FHIT: variants seen among roughly 807,000 people sequenced by gnomAD.
The protein encoded by FHIT is bis(5'-adenosyl)-triphosphatase.
FHIT carries 19 observed loss-of-function variants against 17.9 expected under a neutral mutation model. The observed-to-expected ratio is 1.06, with a 90% CI of 0.74 to 1.56. The LOEUF (loss-of-function observed/expected upper bound fraction) is 1.56. FHIT is among the 40% of genes most tolerant of loss of function. The pLI is 0.00. For synonymous variants in FHIT, 81 were observed against 69.7 expected, an observed-to-expected ratio of 1.16 and a Z score of -0.81; for missense variants, 248 against 189.2, an observed-to-expected ratio of 1.31 and a Z score of -1.82.
At chr3:60,284,696 G>C (rs190190114) in intron 5 of FHIT, among the ~76,000 whole-genome samples, 2 of 151,898 alleles carry the variant, frequency 1.3e-5, no homozygotes, top group Non-Finnish European at 2.9e-5. Flanking sequence ...CTAAGATAAC[G>C]CATGGACTTT....
At chr3:59,750,522 G>A (rs1454503772) in intron 9 of FHIT, 2 of 224,890 alleles carry the variant, frequency 8.9e-6, no homozygotes, top group Non-Finnish European at 1.8e-5. Context: ...AGAGAGAGAT[G>A]GTGAACAGTG....
chr3:60,340,665 GAAC>G (rs1327182287), intron 5 of FHIT, among the ~76,000 whole-genome samples: 6 of 152,156 alleles, frequency 3.9e-5, no homozygotes, highest in African/African-American at 1.4e-4. Context: ...GTTGACCCTT[GAAC>G]AACACAGGTT....
intron 4 of FHIT, among the ~76,000 whole-genome samples, chr3:60,819,601 C>A (rs1553738675): frequency 6.6e-6 from 1 of 152,176 alleles, no homozygotes; most frequent in Non-Finnish European, 1.5e-5. Context: ...TCCTTCTAAT[C>A]ATAATCATTA....
chr3:60,168,164 G>A (rs535271137), intron 5 of FHIT, among the ~76,000 whole-genome samples: 17 of 152,240 alleles, frequency 1.1e-4, no homozygotes, highest in Admixed American at 7.8e-4. Context: ...GTACACAGAC[G>A]GAGGCCTGGC....
chr3:60,570,170 G>T lies in FHIT; in HGVS notation c.-17-33191C>A, dbSNP rs1414854086. Among the ~76,000 whole-genome samples the T allele has an allele frequency of 2.6e-5, 4 of 152,028 alleles. No individual in the cohort carries two copies. The East Asian group carries it at 7.7e-4, about 29-fold the overall frequency. On this transcript the variant is annotated intron_variant, in intron 4 of 9. Transcript: ENST00000492590. ...TATGTTTGGGAAGCCATGCTGCACT[G>T]GAATCACTGTCAGAGTTTCAGGGAA...
intron 5 of FHIT, among the ~76,000 whole-genome samples, chr3:60,347,244 T>G (rs1001336885): frequency 6.6e-6 from 1 of 152,178 alleles, no homozygotes; most frequent in Non-Finnish European, 1.5e-5. Flanking sequence ...ACTTAATGGA[T>G]GAGTCTCATT....
intron 4 of FHIT, among the ~76,000 whole-genome samples, chr3:60,761,079 A>AG (rs1473752409): frequency 6.6e-6 from 1 of 152,080 alleles, no homozygotes; most frequent in Non-Finnish European, 1.5e-5. Flanking sequence ...AACCAGAAGA[A>AG]GGGGGAGGGG....
chr3:60,765,047 T>C (rs1174082046), intron 4 of FHIT, among the ~76,000 whole-genome samples: 1 of 152,136 alleles, frequency 6.6e-6, no homozygotes, highest in Non-Finnish European at 1.5e-5. Flanking sequence ...TGAATGGATG[T>C]CATAAGGTAA....
chr3:60,403,379 G>T (rs764876673), intron 5 of FHIT, among the ~76,000 whole-genome samples: 1 of 152,096 alleles, frequency 6.6e-6, no homozygotes, highest in Non-Finnish European at 1.5e-5. Flanking sequence ...ACACCAAATA[G>T]GAATGGATGT....
At chr3:60,090,240 C>T (rs147513934) in intron 5 of FHIT, among the ~76,000 whole-genome samples, 2 of 152,182 alleles carry the variant, frequency 1.3e-5, no homozygotes, top group East Asian at 3.9e-4. Context: ...TGCATGGTTT[C>T]CCAGTATGAA....
At position 60,878,758 on chromosome 3, in the gene FHIT, C is replaced by T. The variant is rs1282604800; in HGVS notation, c.-110-56747G>A. Among the ~76,000 whole-genome samples the T allele has an allele frequency of 3.3e-5, 5 of 152,142 alleles. No homozygotes were observed. The East Asian group carries it at 9.7e-4, about 30-fold the overall frequency. ...CGCGGTGTTTGGTTTTTTGTCCTTG[C>T]AATAATTTGCTGAGAATGATGGTTT... On this transcript the variant is annotated intron_variant, in intron 3 of 9. Coordinates refer to ENST00000492590, the MANE Select transcript of FHIT (RefSeq NM_002012.4).
chr3:60,307,527 C>T (rs1373417196), intron 5 of FHIT, among the ~76,000 whole-genome samples: 1 of 152,068 alleles, frequency 6.6e-6, no homozygotes, highest in Non-Finnish European at 1.5e-5. Flanking sequence ...TGTTGTTTGA[C>T]AATGATATTT....
chr3:60,024,785 A>T (rs1289858531), intron 5 of FHIT, among the ~76,000 whole-genome samples: 1 of 152,236 alleles, frequency 6.6e-6, no homozygotes, highest in Non-Finnish European at 1.5e-5. Flanking sequence ...GATCTTCAGG[A>T]AAGAGTGCAG....
chr3:60,407,390 T>C (rs187300793), intron 5 of FHIT, among the ~76,000 whole-genome samples: 1 of 152,230 alleles, frequency 6.6e-6, no homozygotes, highest in African/African-American at 2.4e-5. Context: ...AATTGAATCT[T>C]TTTTAATCCC....
intron 5 of FHIT, among the ~76,000 whole-genome samples, chr3:60,223,942 T>C (rs1422346483): frequency 6.6e-6 from 1 of 152,130 alleles, no homozygotes; most frequent in East Asian, 1.9e-4. Flanking sequence ...CTCTCTCAAT[T>C]CTTGGTCGTG....
chr3:59,934,934 A>G (rs960860438), intron 7 of FHIT, among the ~76,000 whole-genome samples: 4 of 152,148 alleles, frequency 2.6e-5, no homozygotes, highest in African/African-American at 9.7e-5. Context: ...CAGCCAAACC[A>G]TGTCAGTAGA....
chr3:60,152,010 C>T (rs910123862), intron 5 of FHIT, among the ~76,000 whole-genome samples: 1 of 152,118 alleles, frequency 6.6e-6, no homozygotes, highest in Admixed American at 6.5e-5. Context: ...TAGAGCCTGG[C>T]ACCTATAAAT....
At chr3:60,290,797 A>AT (rs1707948515) in intron 5 of FHIT, among the ~76,000 whole-genome samples, 1 of 152,072 alleles carries the variant, frequency 6.6e-6, no homozygotes, top group African/African-American at 2.4e-5. Context: ...CATAACTGAA[A>AT]TTAACAGAGA....
At chr3:60,537,056 T>G in intron 4 of FHIT, 77 bp from the exon 5 acceptor site, 2 of 1,183,056 alleles carry the variant, frequency 1.7e-6, no homozygotes, top group Non-Finnish European at 2.3e-6. Flanking sequence ...AGAAAGCAAA[T>G]TCCATTACTA....
Sources: allele counts gnomAD v4.1 joint callset (sites outside exome capture counted in the v4.1 genomes callset), GRCh38; gene constraint gnomAD v4.1.1; transcripts MANE v1.5; gene names NCBI Gene and HGNC (gene_info 2026-07-23, HGNC 2026-07-21).